TCF12: variants seen among roughly 807,000 people sequenced by gnomAD.
TCF12 encodes transcription factor 12.
In TCF12, 45 loss-of-function variants were observed where a neutral mutation model predicts 86.0. The observed-to-expected ratio is 0.52, with a 90% CI of 0.41 to 0.67. The LOEUF is 0.67. Among genes scored for constraint, TCF12 ranks in the 30% least tolerant of loss-of-function variants. The pLI is 0.00. For synonymous variants in TCF12, 330 were observed against 299.6 expected, an observed-to-expected ratio of 1.10 and a Z score of -1.05; for missense variants, 881 against 859.9, an observed-to-expected ratio of 1.02 and a Z score of -0.31.
intron 3 of TCF12, among the ~76,000 whole-genome samples, chr15:56,953,544 A>G (rs758736051): frequency 2.0e-4 from 30 of 151,882 alleles, no homozygotes; most frequent in Non-Finnish European, 4.0e-4. Context: ...AATGAAACCA[A>G]CTAGGTGTAG....
intron 3 of TCF12, among the ~76,000 whole-genome samples, chr15:57,056,116 G>GTGT (rs1555492327): frequency 7.0e-6 from 1 of 143,238 alleles, no homozygotes; most frequent in Non-Finnish European, 1.5e-5. Flanking sequence ...TAGTTTTAGG[G>GTGT]GTGTGTGTGT....
At chr15:57,241,214 C>A (rs1005309959) in intron 12 of TCF12, among the ~76,000 whole-genome samples, 2 of 151,944 alleles carry the variant, frequency 1.3e-5, no homozygotes, top group African/African-American at 4.8e-5. Flanking sequence ...CTGCCTCAGA[C>A]CCCGCGAGTA....
chr15:57,113,139 A>G (rs1353376463), intron 5 of TCF12, among the ~76,000 whole-genome samples: 1 of 152,118 alleles, frequency 6.6e-6, no homozygotes, highest in Non-Finnish European at 1.5e-5. Flanking sequence ...ATCTCTACCA[A>G]GTATCCCACA....
intron 5 of TCF12, among the ~76,000 whole-genome samples, chr15:57,115,853 C>CT (rs34494844): frequency 0.48 from 72,337 of 151,780 alleles, 17,936 homozygotes; most frequent in African/African-American, 0.61. Context: ...CAGAGAGATG[C>CT]TAGGCAATAG....
At chr15:57,015,752 AC>A (rs2065117603) in intron 3 of TCF12, among the ~76,000 whole-genome samples, 1 of 152,200 alleles carries the variant, frequency 6.6e-6, no homozygotes. Flanking sequence ...GCTAAGCCAC[AC>A]TATTCTGATG....
intron 4 of TCF12, among the ~76,000 whole-genome samples, chr15:57,087,156 G>T (rs1304579916): frequency 6.6e-6 from 1 of 150,450 alleles, no homozygotes; most frequent in African/African-American, 2.5e-5. Context: ...CAAAATATTT[G>T]ATTGCCCACA....
intron 19 of TCF12, among the ~76,000 whole-genome samples, chr15:57,277,218 G>A (rs1488145826): frequency 1.3e-5 from 2 of 152,144 alleles, no homozygotes; most frequent in African/African-American, 4.8e-5. Context: ...CCAGCTACTT[G>A]GGATGTTGAG....
intron 5 of TCF12, chr15:57,134,353 A>T (rs1279829816): frequency 1.3e-5 from 2 of 152,222 alleles, no homozygotes; most frequent in African/African-American, 4.8e-5. Context: ...CACGTTGCTG[A>T]CAAGGCTGTA....
intron 5 of TCF12, among the ~76,000 whole-genome samples, chr15:57,111,947 A>G (rs2703625): frequency 0.012 from 1,895 of 152,246 alleles, 43 homozygotes; most frequent in African/African-American, 0.043. Flanking sequence ...GAGTTATCCA[A>G]AAGTGCCATA....
At chr15:57,135,799 A>G (rs1308518738) in intron 5 of TCF12, among the ~76,000 whole-genome samples, 1 of 152,222 alleles carries the variant, frequency 6.6e-6, no homozygotes, top group Non-Finnish European at 1.5e-5. Flanking sequence ...TCTGGTGGGA[A>G]TAAGAAAACT....
At chr15:57,070,429 A>G (rs114936492) in intron 4 of TCF12, among the ~76,000 whole-genome samples, 1,906 of 152,310 alleles carry the variant, frequency 0.013, 39 homozygotes, top group African/African-American at 0.043. Flanking sequence ...CCAGTCTTCT[A>G]AAGTTCATAG....
intron 5 of TCF12, among the ~76,000 whole-genome samples, chr15:57,111,484 A>G (rs1312703436): frequency 6.6e-6 from 1 of 151,856 alleles, no homozygotes; most frequent in Non-Finnish European, 1.5e-5. Flanking sequence ...CCCAATTTGA[A>G]ATTCACCCAT....
chr15:57,047,421 A>G (rs1467422819), intron 3 of TCF12, among the ~76,000 whole-genome samples: 2 of 152,230 alleles, frequency 1.3e-5, no homozygotes, highest in African/African-American at 4.8e-5. Flanking sequence ...AGATTGAACA[A>G]GATAAGTGAT....
chr15:57,088,071 A>G (rs1463179735), intron 4 of TCF12, among the ~76,000 whole-genome samples: 1 of 152,198 alleles, frequency 6.6e-6, no homozygotes, highest in East Asian at 1.9e-4. Context: ...TACTTCCTTT[A>G]TATTTTAAAA....
At chr15:57,223,363 G>A (rs1462133585) in intron 8 of TCF12, among the ~76,000 whole-genome samples, 5 of 151,912 alleles carry the variant, frequency 3.3e-5, no homozygotes, top group African/African-American at 1.2e-4. Context: ...GATCCAATGT[G>A]TATTTGGATA....
At chr15:56,935,825 C>T (rs1205843317) in intron 3 of TCF12, among the ~76,000 whole-genome samples, 2 of 152,080 alleles carry the variant, frequency 1.3e-5, no homozygotes, top group Non-Finnish European at 2.9e-5. Flanking sequence ...CTTATGGCTG[C>T]ACAGTATTCT....
At chr15:57,119,086 C>T (rs1242741085) in intron 5 of TCF12, among the ~76,000 whole-genome samples, 1 of 151,870 alleles carries the variant, frequency 6.6e-6, no homozygotes, top group Non-Finnish European at 1.5e-5. Flanking sequence ...CCTACCCTCA[C>T]AGGTTTTCTT....
At chr15:56,946,768 T>C (rs2061016266) in intron 3 of TCF12, among the ~76,000 whole-genome samples, 1 of 151,978 alleles carries the variant, frequency 6.6e-6, no homozygotes, top group African/African-American at 2.4e-5. Context: ...AAGAGTTGTT[T>C]TTAAGCTTTT....
chr15:57,155,176 G>A (rs12593843), intron 5 of TCF12, among the ~76,000 whole-genome samples: 27,194 of 152,034 alleles, frequency 0.18, 2,971 homozygotes, highest in Non-Finnish European at 0.24. Context: ...ACAGAATGTT[G>A]GGATTTTTTT....
Sources: gnomAD v4.1 joint callset for allele counts (sites outside exome capture counted in the v4.1 genomes callset) on GRCh38, gnomAD v4.1.1 for gene constraint, MANE v1.5 for transcripts, NCBI Gene and HGNC (gene_info 2026-07-23, HGNC 2026-07-21) for gene names.